The following OLFM2 variants were observed in gnomAD, a reference collection of about 807,000 sequenced individuals.
OLFM2 encodes noelin-2.
Under a neutral mutation model 43.9 loss-of-function variants are expected in OLFM2, and 20 were observed. The observed-to-expected ratio is 0.46, with a 90% confidence interval of 0.32 to 0.66. OLFM2 has a LOEUF of 0.66. OLFM2 is among the 30% of genes least tolerant of loss of function. OLFM2 has a pLI of 0.04. For synonymous variants in OLFM2, 268 were observed against 278.6 expected, an observed-to-expected ratio of 0.96 and a Z score of 0.38; for missense variants, 416 against 643.6, an observed-to-expected ratio of 0.65 and a Z score of 3.83.
In OLFM2 at chr19:9,856,133, G is replaced by A. The variant is rs139126893; in HGVS notation, c.687+674C>T. On this transcript the variant is annotated intron_variant, in intron 5 of 5. Transcript: ENST00000264833. The surrounding 1 kb of genome is among the most constrained non-coding windows in gnomAD (Gnocchi z 4.0). ...TTTGTTTTGAGACAGAGTTTCACTC[G>A]TGTTGCCCAGGCTGCAGTGCAATGG... 1.7e-4 allele frequency among the ~76,000 whole-genome samples: 26 copies of A among 152,136 alleles called. No individual in the cohort carries two copies. In the East Asian group the frequency reaches 4.8e-3, roughly 28 times the overall value.
chr19:9,877,590 A>G (rs1233911776), intron 1 of OLFM2, among the ~76,000 whole-genome samples: 2 of 152,056 alleles, frequency 1.3e-5, no homozygotes, highest in African/African-American at 4.8e-5. Context: ...TAAAATAAAA[A>G]TAAAAAAAGT....
rs544848136 is a variant in OLFM2 at position 9,877,021 on chromosome 19, G to A, written c.64-16227C>T. On this transcript the variant is annotated intron_variant, in intron 1 of 5. Transcript: ENST00000264833. ...AAGGGGGGCAGATCACTTAAGGCCA[G>A]GAGTTCGAGACCAGCCTGGCCAACA... Among the ~76,000 whole-genome samples the A allele has an allele frequency of 2.9e-4, 44 of 152,164 alleles. No individual in the cohort carries two copies. The South Asian group carries it at 8.7e-3, about 30-fold the overall frequency.
chr19:9,931,555 G>A (rs1409079368), intron 1 of OLFM2, among the ~76,000 whole-genome samples: 1 of 151,880 alleles, frequency 6.6e-6, no homozygotes, highest in Admixed American at 6.6e-5. Flanking sequence ...ACAAAAATTA[G>A]CTGGGTGTGG....
rs2086515390 is a variant in OLFM2, at chr19:9,936,416, T to A, written c.-50A>T. 1.7e-6 allele frequency: 2 copies of A among 1,195,812 alleles called. No homozygotes were observed. Among genetic ancestry groups the A allele is most frequent in the African/African-American group, 3.3e-5 (2 of 59,846 alleles). The allele number at this position is 1,195,812 out of a possible 1,614,324, so 74.1% of individuals were successfully genotyped here. A position where few individuals can be genotyped will look rare whatever the true frequency, so the allele number is the denominator to read the frequency against. ...GACCCCCGCCCGCCCTAGCGGCGCC[T>A]CGGCGCGGGGACCGCCACCAGGCGC... On this transcript the variant is annotated 5_prime_UTR_variant, in exon 1 of 6. Coordinates refer to ENST00000264833, the MANE Select transcript of OLFM2 (RefSeq NM_058164.4).
At chr19:9,927,746 T>A (rs2086462026) in intron 1 of OLFM2, among the ~76,000 whole-genome samples, 1 of 152,186 alleles carries the variant, frequency 6.6e-6, no homozygotes, top group Non-Finnish European at 1.5e-5. Context: ...GTCTTTCTCA[T>A]AGAAATTACT....
intron 1 of OLFM2, among the ~76,000 whole-genome samples, chr19:9,877,269 C>T (rs1599475520): frequency 1.4e-5 from 2 of 148,014 alleles, no homozygotes; most frequent in Non-Finnish European, 3.0e-5. Flanking sequence ...TGCGGTGGCT[C>T]ACACCTGTAA....
chr19:9,886,939 C>T (rs909672782), intron 1 of OLFM2, among the ~76,000 whole-genome samples: 2 of 152,068 alleles, frequency 1.3e-5, no homozygotes, highest in Non-Finnish European at 2.9e-5. Flanking sequence ...CTGCCTCGGC[C>T]TCCCAGTGTT....
chr19:9,855,788 G>A (rs57720251), intron 5 of OLFM2, among the ~76,000 whole-genome samples: 3,442 of 150,074 alleles, frequency 0.023, 125 homozygotes, highest in African/African-American at 0.081. Flanking sequence ...TGCCTGCCTC[G>A]GCCTCCTAAA....
At chr19:9,936,167 G>A in intron 1 of OLFM2, 137 bp downstream of exon 1, 5 of 777,576 alleles carry the variant, frequency 6.4e-6, no homozygotes, top group Non-Finnish European at 9.2e-6. Context: ...CCCCTCCCCC[G>A]CTGCGACCCC....
intron 1 of OLFM2, among the ~76,000 whole-genome samples, chr19:9,884,990 T>A (rs766761489): frequency 7.2e-5 from 11 of 152,160 alleles, no homozygotes; most frequent in Non-Finnish European, 1.6e-4. Context: ...TCCTCTCCCA[T>A]CACAGGGTGG....
intron 1 of OLFM2, chr19:9,913,407 G>C (rs1433216182): frequency 2.2e-6 from 2 of 890,702 alleles, no homozygotes; most frequent in Non-Finnish European, 2.7e-6. Context: ...GGGGCCCCGG[G>C]GGCTGCGGCG....
chr19:9,922,527 C>A (rs890479958), intron 1 of OLFM2, among the ~76,000 whole-genome samples: 4 of 151,784 alleles, frequency 2.6e-5, no homozygotes, highest in African/African-American at 9.7e-5. Flanking sequence ...TGGAGACCAG[C>A]CTAGGCAGCA....
chr19:9,878,534 C>G (rs898093439), intron 1 of OLFM2, among the ~76,000 whole-genome samples: 1 of 151,922 alleles, frequency 6.6e-6, no homozygotes, highest in Non-Finnish European at 1.5e-5. Context: ...GGATTACAGA[C>G]ATGAGCACCT....
At position 9,896,810 on chromosome 19, in the gene OLFM2, C is replaced by T. The variant is rs565567989; in HGVS notation, c.64-36016G>A. 2.2e-3 allele frequency among the ~76,000 whole-genome samples: 331 copies of T among 152,328 alleles called. 3 individuals are homozygous for T. Among genetic ancestry groups the T allele is most frequent in the African/African-American group, 7.6e-3 (317 of 41,588 alleles). ...TTTATTTGCAACTACATAATCATCA[C>T]CTACCTCCCTGTTTTGCAGAAAGCG... On this transcript the variant is annotated intron_variant, in intron 1 of 5. Coordinates refer to ENST00000264833, the MANE Select transcript of OLFM2 (RefSeq NM_058164.4).
rs1016018140 is a variant in OLFM2, at chr19:9,869,096, G to A, written c.64-8302C>T. On this transcript the variant is annotated intron_variant, in intron 1 of 5. Coordinates refer to ENST00000264833, the MANE Select transcript of OLFM2 (RefSeq NM_058164.4). ...AAACCTGAACAATCAGCATATGGCC[G>A]GGCCATAAGTTTGGCTCCAAGCTCC... Among the ~76,000 whole-genome samples, 25 of 151,148 alleles carry A rather than the reference G, an allele frequency of 1.7e-4. 1 individual carries two copies. The highest frequency in any genetic ancestry group is 1.4e-3 in the Admixed American group (21 of 15,076).
chr19:9,934,611 T>C (rs1048964339), intron 1 of OLFM2, among the ~76,000 whole-genome samples: 1 of 152,162 alleles, frequency 6.6e-6, no homozygotes, highest in African/African-American at 2.4e-5. Context: ...TTCCACTGGT[T>C]TCTCAAGTGT....
chr19:9,909,179 C>T (rs2046808104), intron 1 of OLFM2, among the ~76,000 whole-genome samples: 2 of 152,156 alleles, frequency 1.3e-5, no homozygotes, highest in African/African-American at 4.8e-5. Flanking sequence ...CCTCCTTATT[C>T]GTCCCATAAA....
chr19:9,872,599 G>T (rs925249098), intron 1 of OLFM2, among the ~76,000 whole-genome samples: 4 of 152,148 alleles, frequency 2.6e-5, no homozygotes, highest in Non-Finnish European at 5.9e-5. Flanking sequence ...CCTGAGAACT[G>T]GGGTTTTGCC....
At chr19:9,927,989 G>A (rs1328365100) in intron 1 of OLFM2, among the ~76,000 whole-genome samples, 5 of 152,090 alleles carry the variant, frequency 3.3e-5, no homozygotes. Flanking sequence ...TTAAGGCCAA[G>A]AGTTCAAGAC....
Sources: allele counts gnomAD v4.1 joint callset (sites outside exome capture counted in the v4.1 genomes callset), GRCh38; gene constraint gnomAD v4.1.1; non-coding constraint Gnocchi (gnomAD v3.1); transcripts MANE v1.5; gene names NCBI Gene and HGNC (gene_info 2026-07-23, HGNC 2026-07-21).